SLC7A14: variants seen among roughly 807,000 people sequenced by gnomAD.
The protein encoded by SLC7A14 is gamma-aminobutyric acid transporter SLC7A14.
SLC7A14 carries 37 observed loss-of-function variants against 60.2 expected under a neutral mutation model. The ratio of observed to expected loss-of-function variants is 0.61; its 90% CI spans 0.47 to 0.81. The LOEUF (loss-of-function observed/expected upper bound fraction) is 0.81. Ranked by LOEUF, SLC7A14 falls within the 30% of genes least tolerant of loss-of-function variation. The probability of loss-of-function intolerance (pLI) is 0.00; values close to 1 mark genes in which losing one functional copy is unlikely to be tolerated. For missense variants in SLC7A14, 886 were observed against 982.7 expected (o/e 0.90, Z 1.32); for synonymous variants, 399 against 395.8 (o/e 1.01, Z -0.10).
intron 5 of SLC7A14, among the ~76,000 whole-genome samples, chr3:170,485,340 A>C (rs1577503774): frequency 6.6e-6 from 1 of 152,188 alleles, no homozygotes; most frequent in East Asian, 1.9e-4. Context: ...TAGTTGCTAA[A>C]GATGTCTTTT....
chr3:170,577,715 A>T (rs1157438325), intron 1 of SLC7A14, among the ~76,000 whole-genome samples: 1 of 151,940 alleles, frequency 6.6e-6, no homozygotes, highest in Non-Finnish European at 1.5e-5. Flanking sequence ...TGGGATATGT[A>T]GCTAGTTTAA....
chr3:170,511,006 A>G (rs116556072), intron 2 of SLC7A14, among the ~76,000 whole-genome samples: 7,241 of 152,280 alleles, frequency 0.048, 252 homozygotes, highest in South Asian at 0.082. Context: ...TAGAATTCAC[A>G]CAGCCTCTGG....
At chr3:170,478,821 T>G (rs1015472831) in intron 7 of SLC7A14, among the ~76,000 whole-genome samples, 2 of 152,064 alleles carry the variant, frequency 1.3e-5, no homozygotes, top group African/African-American at 4.8e-5. Flanking sequence ...GCACTGCCAC[T>G]CATCACTAAG....
chr3:170,489,859 A>G (rs1378291611), intron 4 of SLC7A14, among the ~76,000 whole-genome samples: 1 of 151,872 alleles, frequency 6.6e-6, no homozygotes, highest in Non-Finnish European at 1.5e-5. Flanking sequence ...AACATTGCAC[A>G]TTCTCACTTA....
Position 170,531,196 on chromosome 3 carries a change from G to C in SLC7A14, c.-152-4108C>G, listed in dbSNP as rs1011803452. Among the ~76,000 whole-genome samples, 18 of 152,212 alleles carry C rather than the reference G, an allele frequency of 1.2e-4. No homozygotes were observed. In the Middle Eastern group the frequency reaches 0.014, roughly 115 times the overall value. ...GACAAATGCTCCGTGTGGAAAACCA[G>C]ATATTGCTGTTTTCCACAGGAGGCC... On this transcript the variant is annotated intron_variant, in intron 1 of 7. Coordinates refer to ENST00000231706, the MANE Select transcript of SLC7A14 (RefSeq NM_020949.3).
Position 170,481,146 on chromosome 3 carries a change from G to C in SLC7A14, c.1136C>G (p.Ser379Cys). 6.2e-7 allele frequency: 1 copy of C among 1,613,306 alleles called. No homozygotes were observed. The highest frequency in any genetic ancestry group is 8.5e-7 in the Non-Finnish European group (1 of 1,179,550). Reference sequence around the variant, plus strand: ...GGCCACCACTGGTGTCTCTGTGTAGGAGCTGACGTGAGCCAGGAACCTGGA... The same window carrying C: ...GGCCACCACTGGTGTCTCTGTGTAGCAGCTGACGTGAGCCAGGAACCTGGA... ...LLFRFLAHVS[S>C]YTETPVVACI... The change falls in exon 7 of 8, where the codon TCC (serine) becomes TGC (cysteine). Residue 379 changes from serine to cysteine, a missense_variant. Transcript: ENST00000231706.
chr3:170,513,510 A>G (rs1294753360), intron 2 of SLC7A14, among the ~76,000 whole-genome samples: 1 of 152,246 alleles, frequency 6.6e-6, no homozygotes, highest in Non-Finnish European at 1.5e-5. Context: ...ATATGTGTAT[A>G]TGCATACATA....
chr3:170,584,937 TGGG>T, intron 1 of SLC7A14, among the ~76,000 whole-genome samples: 1 of 151,888 alleles, frequency 6.6e-6, no homozygotes, highest in Non-Finnish European at 1.5e-5. Flanking sequence ...TTCACACAGG[TGGG>T]GGGATGAGGA....
At chr3:170,556,201 C>A (rs1388869436) in intron 1 of SLC7A14, among the ~76,000 whole-genome samples, 1 of 152,178 alleles carries the variant, frequency 6.6e-6, no homozygotes, top group Admixed American at 6.5e-5. Context: ...TACTTTCAGA[C>A]CTTAGCTAAC....
At chr3:170,575,487 A>G (rs1041017618) in intron 1 of SLC7A14, among the ~76,000 whole-genome samples, 1 of 152,244 alleles carries the variant, frequency 6.6e-6, no homozygotes, top group African/African-American at 2.4e-5. Context: ...ATGTAGAAGC[A>G]GGGTCTTATC....
At position 170,509,882 on chromosome 3, in the gene SLC7A14, C is replaced by A. The variant is rs182730552; in HGVS notation, c.305-8537G>T. On this transcript the variant is annotated intron_variant, in intron 2 of 7. Coordinates refer to ENST00000231706, the MANE Select transcript of SLC7A14 (RefSeq NM_020949.3). ...TCACCTGAGGTCGGGAGTTCGAGACCAGCCTGACCAACATGGCAAAACCCT... is the reference window on the plus strand; with the variant it reads ...TCACCTGAGGTCGGGAGTTCGAGACAAGCCTGACCAACATGGCAAAACCCT... Among the ~76,000 whole-genome samples the A allele has an allele frequency of 1.8e-3, 279 of 151,718 alleles. 2 individuals carry two copies. The highest frequency in any genetic ancestry group is 6.3e-3 in the African/African-American group (260 of 41,342).
intron 7 of SLC7A14, among the ~76,000 whole-genome samples, chr3:170,479,668 A>T (rs577701853): frequency 2.6e-4 from 39 of 152,206 alleles, no homozygotes; most frequent in South Asian, 8.3e-4. Context: ...GTACTTCCCA[A>T]GTGAATGATT....
chr3:170,566,007 C>T (rs753620381), intron 1 of SLC7A14, among the ~76,000 whole-genome samples: 3 of 152,074 alleles, frequency 2.0e-5, no homozygotes, highest in African/African-American at 4.8e-5. Flanking sequence ...TAATAATATG[C>T]TGCTGATATA....
intron 1 of SLC7A14, among the ~76,000 whole-genome samples, chr3:170,567,922 G>A (rs1383056866): frequency 5.9e-5 from 9 of 151,876 alleles, no homozygotes; most frequent in African/African-American, 1.2e-4. Flanking sequence ...TTTGTCAGAT[G>A]AGTAGGTTGT....
intron 2 of SLC7A14, among the ~76,000 whole-genome samples, chr3:170,526,070 C>G (rs1156375006): frequency 6.8e-6 from 1 of 146,232 alleles, no homozygotes; most frequent in Non-Finnish European, 1.5e-5. Flanking sequence ...GAGCAAGACT[C>G]TGTTTAAAAA....
In SLC7A14 at chr3:170,466,991, C is replaced by T; in HGVS notation, c.*64G>A. The T allele has an allele frequency of 7.0e-7, 1 of 1,433,066 alleles. No individual in the cohort carries two copies. The highest frequency in any genetic ancestry group is 1.4e-5 in the South Asian group (1 of 73,626). The allele number at this position is 1,433,066 out of a possible 1,614,324, so 88.8% of individuals were successfully genotyped here. A position where few individuals can be genotyped will look rare whatever the true frequency, so the allele number is the denominator to read the frequency against. On this transcript the variant is annotated 3_prime_UTR_variant, in exon 8 of 8. Transcript: ENST00000231706. ...TGAGAGCCAAAAAAGTTTTCACCTT[C>T]TAGCCCACAGGTTAAGTTACTGAAA...
intron 4 of SLC7A14, among the ~76,000 whole-genome samples, chr3:170,497,430 C>T (rs987362035): frequency 7.2e-6 from 1 of 139,048 alleles, no homozygotes; most frequent in Non-Finnish European, 1.5e-5. Flanking sequence ...AACGGCATGG[C>T]GTGGTTCGGA....
chr3:170,496,951 C>T (rs1193562974), intron 4 of SLC7A14, among the ~76,000 whole-genome samples: 2 of 152,136 alleles, frequency 1.3e-5, no homozygotes, highest in Non-Finnish European at 2.9e-5. Flanking sequence ...AGGGAGGCTG[C>T]TGTGCAGGGG....
intron 4 of SLC7A14, 31 bp from the exon 5 acceptor site, chr3:170,486,399 G>C: frequency 6.2e-7 from 1 of 1,613,988 alleles, no homozygotes; most frequent in East Asian, 2.2e-5. Context: ...GTCAGACTCA[G>C]AAGATCGGGG....
Sources: gnomAD v4.1 joint callset for allele counts (sites outside exome capture counted in the v4.1 genomes callset) on GRCh38, gnomAD v4.1.1 for gene constraint, MANE v1.5 for transcripts, NCBI Gene and HGNC (gene_info 2026-07-23, HGNC 2026-07-21) for gene names.